APPL1: variants seen among roughly 807,000 people sequenced by gnomAD.
The protein encoded by APPL1 is adaptor protein, phosphotyrosine interacting with PH domain and leucine zipper 1.
In APPL1, 42 loss-of-function variants were observed where a neutral mutation model predicts 106.8. The observed-to-expected ratio is 0.39, with a 90% CI of 0.31 to 0.51. The LOEUF is 0.51. APPL1 is among the 20% of genes least tolerant of loss of function. The pLI is 0.75. For missense variants in APPL1, 769 were observed against 858.2 expected, an observed-to-expected ratio of 0.90 and a Z score of 1.30; for synonymous variants, 263 against 281.8, an observed-to-expected ratio of 0.93 and a Z score of 0.67.
intron 19 of APPL1, among the ~76,000 whole-genome samples, chr3:57,262,419 C>T (rs1264312525): frequency 2.9e-5 from 1 of 34,306 alleles, no homozygotes; most frequent in East Asian, 5.3e-4. Context: ...TTGAGACAGA[C>T]TCTTGCTCTG....
In APPL1 at chr3:57,231,891, G is replaced by A. The variant is rs75617018; in HGVS notation, c.55-3675G>A. On this transcript the variant is annotated intron_variant, in intron 1 of 21. Transcript: ENST00000288266. The stretch of plus-strand genomic sequence containing the variant: ...ACCCTTCTTTTAGTTTTGATTTATA[G>A]TAACTACGTATTAAATTAGGGAGAA... Among the ~76,000 whole-genome samples, 1,151 of 151,656 alleles carry A rather than the reference G, an allele frequency of 7.6e-3. 14 individuals carry two copies. The highest frequency in any genetic ancestry group is 0.026 in the African/African-American group (1,070 of 41,328).
At chr3:57,247,986 T>C (rs766367384) in intron 9 of APPL1, among the ~76,000 whole-genome samples, 11 of 152,200 alleles carry the variant, frequency 7.2e-5, no homozygotes, top group Non-Finnish European at 1.2e-4. Flanking sequence ...GCTTCATTTG[T>C]TTTTTGAATT....
Position 57,262,838 on chromosome 3 carries a change from GTGTGTGTGTA to G in APPL1, c.1842+2067_1842+2076del, listed in dbSNP as rs1433160660. 2.3e-5 allele frequency among the ~76,000 whole-genome samples: 3 copies of G among 129,646 alleles called. No homozygotes were observed. The Admixed American group carries it at 2.8e-4, about 12-fold the overall frequency. 85.1% of individuals were successfully genotyped at this position (129,646 alleles called of 152,430 possible). On this transcript the variant is annotated intron_variant, in intron 19 of 21. Coordinates refer to ENST00000288266, the MANE Select transcript of APPL1 (RefSeq NM_012096.3). ...GGTGTGTGTGTGTGTGTGTGTGTGT[GTGTGTGTGTA>G]TGCATTTTTTTTTTTTTTTCCAGAT... is the stretch of plus-strand genomic sequence containing the variant.
At chr3:57,231,392 C>G (rs960532101) in intron 1 of APPL1, among the ~76,000 whole-genome samples, 6 of 146,570 alleles carry the variant, frequency 4.1e-5, no homozygotes, top group Non-Finnish European at 6.0e-5. Flanking sequence ...CAGGTTTTCA[C>G]TATGTTGGCC....
At position 57,257,028 on chromosome 3, in the gene APPL1, C is replaced by T. The variant is rs772538079; in HGVS notation, c.1224C>T (p.His408=). 104 of 1,614,150 alleles carry T rather than the reference C, an allele frequency of 6.4e-5. No individual in the cohort carries two copies. Among genetic ancestry groups the T allele is most frequent in the African/African-American group, 9.3e-5 (7 of 75,032 alleles). ...VTPSPSFQQR[H]ESLRPAAGQS... ...CTTCCCCATCTTTCCAGCAGAGGCA[C>T]GAGAGCCTGCGGCCAGCAGCAGGGT... The change falls in exon 14 of 22, where the codon CAC becomes CAT. Residue 408 remains histidine (H), a synonymous_variant. Coordinates refer to ENST00000288266, the MANE Select transcript of APPL1 (RefSeq NM_012096.3).
intron 13 of APPL1, among the ~76,000 whole-genome samples, chr3:57,255,460 T>C (rs556909413): frequency 6.6e-6 from 1 of 152,316 alleles, no homozygotes; most frequent in African/African-American, 2.4e-5. Flanking sequence ...TTCCAGGTTT[T>C]AAACCCAAGG....
chr3:57,241,136 G>T (rs2060744146), intron 5 of APPL1, among the ~76,000 whole-genome samples: 1 of 152,146 alleles, frequency 6.6e-6, no homozygotes, highest in South Asian at 2.1e-4. Context: ...GCCAATGGGG[G>T]TCTTTAAGGA....
intron 15 of APPL1, among the ~76,000 whole-genome samples, chr3:57,257,761 A>G (rs1022895463): frequency 3.3e-5 from 5 of 152,218 alleles, no homozygotes; most frequent in African/African-American, 1.2e-4. Flanking sequence ...CTTGAGGGTA[A>G]TACATGTGAT....
intron 18 of APPL1, 197 bp from the exon 19 acceptor site, chr3:57,260,431 A>G: frequency 1.8e-6 from 1 of 555,154 alleles, no homozygotes; most frequent in Non-Finnish European, 2.9e-6. Context: ...CAAATGTAAT[A>G]TTCAACAACC....
intron 13 of APPL1, among the ~76,000 whole-genome samples, chr3:57,256,083 C>T (rs986175854): frequency 4.6e-5 from 7 of 152,034 alleles, no homozygotes; most frequent in Non-Finnish European, 8.8e-5. Context: ...TGGAATAGTG[C>T]CTGTAGTCTC....
chr3:57,255,623 A>G (rs1039068260), intron 13 of APPL1, among the ~76,000 whole-genome samples: 2 of 152,148 alleles, frequency 1.3e-5, no homozygotes, highest in African/African-American at 4.8e-5. Flanking sequence ...TTATAATGTT[A>G]TTATATTTAC....
chr3:57,267,841 C>T lies in APPL1; in HGVS notation c.1893+49C>T, dbSNP rs752122555. On this transcript the variant is annotated intron_variant, in intron 20 of 21. Transcript: ENST00000288266. Reference sequence around the variant, plus strand: ...GCACAGTGGTTCACACCTGTAATCGCAGCACATTGGGAGGCCGAGGCGGGC... The same window carrying T: ...GCACAGTGGTTCACACCTGTAATCGTAGCACATTGGGAGGCCGAGGCGGGC... The T allele has an allele frequency of 3.8e-6, 6 of 1,595,240 alleles. No homozygotes were observed. The East Asian group carries it at 1.1e-4, about 30-fold the overall frequency.
chr3:57,253,294 A>C (rs2060815050), intron 12 of APPL1, among the ~76,000 whole-genome samples: 2 of 152,102 alleles, frequency 1.3e-5, no homozygotes, highest in South Asian at 4.1e-4. Flanking sequence ...TTTGGTGGGG[A>C]TTAGGAGGGG....
intron 19 of APPL1, among the ~76,000 whole-genome samples, chr3:57,263,513 T>C (rs1318373051): frequency 1.3e-5 from 2 of 152,102 alleles, no homozygotes; most frequent in Non-Finnish European, 2.9e-5. Context: ...ATGCAATATT[T>C]GTCTTTCTGT....
At chr3:57,265,726 A>G (rs1418239005) in intron 19 of APPL1, among the ~76,000 whole-genome samples, 4 of 152,208 alleles carry the variant, frequency 2.6e-5, no homozygotes, top group African/African-American at 9.6e-5. Context: ...TTCCTTTACA[A>G]TTTGGATGCC....
Position 57,237,543 on chromosome 3 carries a change from G to T in APPL1, c.205G>T (p.Glu69Ter). Residue 69 changes from glutamate to a stop codon, truncating the protein, a stop_gained, in exon 3 of 22, where the codon GAA (glutamate) becomes TAA (stop). Transcript: ENST00000288266. LOFTEE classifies it high-confidence loss of function. ...HLTSKLLKEY[E>*]KQRFPLGGDD... ...GACCTCAAAACTTTTAAAAGAATATGAAAAACAGGTATTGTATATCAAAGT... is the reference window on the plus strand; with the variant it reads ...GACCTCAAAACTTTTAAAAGAATATTAAAAACAGGTATTGTATATCAAAGT... 6.3e-7 allele frequency: 1 copy of T among 1,593,962 alleles called. No homozygotes were observed. Among genetic ancestry groups the T allele is most frequent in the East Asian group, 2.3e-5 (1 of 44,418 alleles).
chr3:57,236,044 C>CTTT (rs34912084), intron 2 of APPL1, among the ~76,000 whole-genome samples: 5 of 131,350 alleles, frequency 3.8e-5, no homozygotes, highest in Non-Finnish European at 6.4e-5. Flanking sequence ...CCCACCCCCA[C>CTTT]TTTTTTTTTT....
rs1454390689 is a variant in APPL1 at position 57,269,672 on chromosome 3, A to G, written c.2115A>G (p.Arg705=). The change falls in exon 22 of 22, where the codon AGA becomes AGG. Residue 705 remains arginine (R), a synonymous_variant. Coordinates refer to ENST00000288266, the MANE Select transcript of APPL1 (RefSeq NM_012096.3). ...ESDLGEGGKK[R]ESEA is the part of the protein sequence containing the mutation. ...ATTTGGGAGAAGGAGGAAAGAAGAG[A>G]GAATCAGAAGCATAAGCTTATACTT... is the stretch of plus-strand genomic sequence containing the variant. 1.2e-6 allele frequency: 2 copies of G among 1,613,928 alleles called. No individual in the cohort carries two copies. The highest frequency in any genetic ancestry group is 2.7e-5 in the African/African-American group (2 of 74,920).
At chr3:57,229,609 G>A (rs2060675471) in intron 1 of APPL1, among the ~76,000 whole-genome samples, 1 of 150,862 alleles carries the variant, frequency 6.6e-6, no homozygotes, top group Admixed American at 6.6e-5. Flanking sequence ...CTATCGTAGT[G>A]CACTGTGTCC....
Sources: allele counts gnomAD v4.1 joint callset (sites outside exome capture counted in the v4.1 genomes callset), GRCh38; gene constraint gnomAD v4.1.1; transcripts MANE v1.5; gene names NCBI Gene and HGNC (gene_info 2026-07-23, HGNC 2026-07-21).